PHF8: variants seen among roughly 807,000 people sequenced by gnomAD.
PHF8 encodes the protein histone lysine demethylase PHF8.
Under a neutral mutation model 74.4 loss-of-function variants are expected in PHF8, and 9 were observed. The observed-to-expected ratio is 0.12, with a 90% CI of 0.07 to 0.21. The LOEUF (loss-of-function observed/expected upper bound fraction) is 0.21. PHF8 is among the 10% of genes least tolerant of loss of function. PHF8 has a pLI of 1.00. For synonymous variants in PHF8, 311 were observed against 316.6 expected (o/e 0.98, Z 0.19); for missense variants, 478 against 816.6 (o/e 0.59, Z 5.05).
chrX:54,036,478 G>A (rs897888325), intron 2 of PHF8, among the ~76,000 whole-genome samples: 2 of 102,443 alleles, frequency 2.0e-5, no homozygotes, highest in East Asian at 6.3e-4. Flanking sequence ...GAGGCAGCAG[G>A]AGGATCACTT....
chrX:53,953,273 CA>C (rs782479450), intron 19 of PHF8, among the ~76,000 whole-genome samples: 26 of 55,454 alleles, frequency 4.7e-4, no homozygotes, highest in Admixed American at 7.0e-4. Flanking sequence ...GACTCCATCT[CA>C]AAAAAAAAAA....
Position 53,940,459 on chromosome X carries a change from C to A in PHF8, c.2707G>T (p.Val903Leu), listed in dbSNP as rs1221408845. The change falls in exon 21 of 22, where the codon GTA (valine) becomes TTA (leucine). Residue 903 changes from valine to leucine, a missense_variant. Val to Leu is a conservative substitution (Grantham distance 32, BLOSUM62 1). This residue lies in a region of PHF8 where 75 missense variants were observed against 93.3 expected (regional missense o/e 0.80). Transcript: ENST00000338154. Reference protein sequence around the residue: ...YIKKKPLLKEVEQPRPQDSNL... With the variant: ...YIKKKPLLKELEQPRPQDSNL... ...GAGTCTTGAGGGCGAGGCTGTTCTA[C>A]CTCCTTCAGCAAAGGCTTCTTCTTG... The A allele has an allele frequency of 1.7e-6, 2 of 1,207,831 alleles. No individual in the cohort carries two copies. Among genetic ancestry groups the A allele is most frequent in the Non-Finnish European group, 2.2e-6 (2 of 893,710 alleles).
At chrX:53,992,956 C>T (rs2065690208) in intron 13 of PHF8, 117 bp from the exon 14 acceptor site, 1 of 527,788 alleles carries the variant, frequency 1.9e-6, no homozygotes, top group Admixed American at 2.7e-5. Flanking sequence ...GAGCCAAGGC[C>T]TTCTGCTATA....
rs1185115559 is a variant in PHF8 at position 54,034,744 on chromosome X, AC to A, written c.98+7886del. 2.8e-5 allele frequency among the ~76,000 whole-genome samples: 3 copies of A among 106,452 alleles called. No homozygotes were observed. In the East Asian group the frequency reaches 9.0e-4, roughly 32 times the overall value. The allele number at this position is 106,452 out of a possible 115,157, so 92.4% of individuals were successfully genotyped here. A position where few individuals can be genotyped will look rare whatever the true frequency, so the allele number is the denominator to read the frequency against. On this transcript the variant is annotated intron_variant, in intron 2 of 21. Transcript: ENST00000338154. Reference sequence around the variant, plus strand: ...GAGGCTGAGGCAGAGAATTGTTTAAACCTGGAGGGGCGGAGGTTGCAGTGAG... The same window carrying A: ...GAGGCTGAGGCAGAGAATTGTTTAAACTGGAGGGGCGGAGGTTGCAGTGAG...
At chrX:54,040,676 A>G (rs1433539163) in intron 2 of PHF8, among the ~76,000 whole-genome samples, 1 of 111,752 alleles carries the variant, frequency 8.9e-6, no homozygotes, top group East Asian at 2.8e-4. Context: ...TCTTGCTAGG[A>G]CATAAAGAAC....
intron 21 of PHF8, 43 bp from the exon 22 acceptor site, chrX:53,939,289 T>C: frequency 9.2e-7 from 1 of 1,083,953 alleles, no homozygotes; most frequent in South Asian, 1.9e-5. Context: ...TGGCAAGGGC[T>C]TCAACATCAA....
chrX:54,022,526 G>A (rs782523892), intron 3 of PHF8, among the ~76,000 whole-genome samples, 159 bp from the exon 4 acceptor site: 1 of 111,817 alleles, frequency 8.9e-6, no homozygotes, highest in South Asian at 3.8e-4. Flanking sequence ...TCCTGGTGAA[G>A]ATGGATGGGT....
chrX:54,011,780 A>G (rs782149718), intron 7 of PHF8, among the ~76,000 whole-genome samples: 1 of 107,714 alleles, frequency 9.3e-6, no homozygotes, highest in Non-Finnish European at 1.9e-5. Flanking sequence ...CTGGAAGATT[A>G]TATGTTATGT....
chrX:53,943,301 G>C (rs1427903677), intron 20 of PHF8: 1 of 914,358 alleles, frequency 1.1e-6, no homozygotes, highest in East Asian at 3.4e-5. Flanking sequence ...TAAATAGAAA[G>C]TAATATGAAA....
At chrX:54,024,842 T>C (rs2066239542) in intron 2 of PHF8, among the ~76,000 whole-genome samples, 1 of 112,152 alleles carries the variant, frequency 8.9e-6, no homozygotes, top group Non-Finnish European at 1.9e-5. Context: ...GTCTTTTATA[T>C]GTCTTTTGGT....
intron 2 of PHF8, among the ~76,000 whole-genome samples, chrX:54,037,004 A>AAT (rs1238712947): frequency 1.1e-4 from 12 of 108,555 alleles, no homozygotes; most frequent in African/African-American, 4.0e-4. Context: ...AAAAAATAAA[A>AAT]AAAAAAAAAA....
intron 10 of PHF8, among the ~76,000 whole-genome samples, chrX:54,001,884 C>G (rs189854806): frequency 9.0e-6 from 1 of 111,567 alleles, no homozygotes; most frequent in Non-Finnish European, 1.9e-5. Context: ...CCACTGCACT[C>G]CAGCCTGGGT....
chrX:54,015,242 T>TAC (rs1557107722), intron 6 of PHF8, among the ~76,000 whole-genome samples: 1 of 111,242 alleles, frequency 9.0e-6, no homozygotes, highest in African/African-American at 3.3e-5. Flanking sequence ...AACAAACAAA[T>TAC]ACAGTTTTTA....
intron 4 of PHF8, among the ~76,000 whole-genome samples, chrX:54,020,981 G>A (rs782125787): frequency 9.8e-5 from 11 of 111,770 alleles, no homozygotes; most frequent in Non-Finnish European, 1.5e-4. Context: ...CTAAAAAGAC[G>A]AATGCACTGA....
At chrX:54,038,771 T>C (rs1293687681) in intron 2 of PHF8, among the ~76,000 whole-genome samples, 2 of 111,745 alleles carry the variant, frequency 1.8e-5, no homozygotes, top group Admixed American at 9.6e-5. Flanking sequence ...TCGCTTGTTA[T>C]AACCTTTCCA....
chrX:53,992,685 A>G lies in PHF8; in HGVS notation c.1730+51T>C, dbSNP rs782580399. ...CAATTCCATGCCCTGTCTCAGTGGC[A>G]TATTACCACTGACAGTCCCAGTACC... On this transcript the variant is annotated intron_variant, in intron 14 of 21. Coordinates refer to ENST00000338154, the MANE Select transcript of PHF8 (RefSeq NM_015107.3). The G allele has an allele frequency of 2.0e-5, 15 of 734,049 alleles. No individual in the cohort carries two copies. The East Asian group carries it at 3.9e-4, about 19-fold the overall frequency. 60.5% of individuals were successfully genotyped at this position (734,049 alleles called of 1,213,427 possible). A position where few individuals can be genotyped will look rare whatever the true frequency, so the allele number is the denominator to read the frequency against.
At chrX:54,038,574 G>A (rs978160179) in intron 2 of PHF8, among the ~76,000 whole-genome samples, 10 of 111,909 alleles carry the variant, frequency 8.9e-5, no homozygotes, top group South Asian at 7.4e-4. Flanking sequence ...GAGAACCACC[G>A]CTGTACAAAT....
chrX:53,949,685 GC>G (rs2064889573), intron 19 of PHF8, among the ~76,000 whole-genome samples: 1 of 107,754 alleles, frequency 9.3e-6, no homozygotes, highest in African/African-American at 3.4e-5. Context: ...GGTGACAGGC[GC>G]CTGTAGTCCC....
intron 19 of PHF8, among the ~76,000 whole-genome samples, chrX:53,948,297 A>G (rs2064862745): frequency 9.0e-6 from 1 of 111,704 alleles, no homozygotes. Flanking sequence ...TCCTTATTTA[A>G]TTTTTTTGAG....
Sources: allele counts gnomAD v4.1 joint callset (sites outside exome capture counted in the v4.1 genomes callset), GRCh38; gene constraint gnomAD v4.1.1; regional missense constraint gnomAD v4.1.1; transcripts MANE v1.5; gene names NCBI Gene and HGNC (gene_info 2026-07-23, HGNC 2026-07-21).